SMAD2: variants seen among roughly 807,000 people sequenced by gnomAD.
The protein encoded by SMAD2 is SMAD family member 2, also known as MAD homolog 2.
A neutral mutation model predicts 64.4 loss-of-function variants in SMAD2; 8 were observed. That is an observed-to-expected ratio of 0.12 (90% CI 0.07 to 0.22). The LOEUF is 0.22. SMAD2 is among the 10% of genes least tolerant of loss of function. SMAD2 has a pLI of 1.00. For missense variants in SMAD2, 289 were observed against 561.2 expected (o/e 0.51, Z 4.90); for synonymous variants, 203 against 195.8 (o/e 1.04, Z -0.31).
intron 2 of SMAD2, 96 bp downstream of exon 2, chr18:47,896,425 C>G: frequency 7.8e-7 from 1 of 1,283,760 alleles, no homozygotes; most frequent in Non-Finnish European, 1.1e-6. Flanking sequence ...TCAATCATCA[C>G]TTTTTACAGG....
rs944935916 is a variant in SMAD2 at position 47,834,630 on chromosome 18, G to C, written c.*7197C>G. The C allele has an allele frequency of 8.7e-6, 1 of 115,568 alleles. No homozygotes were observed. Among genetic ancestry groups the C allele is most frequent in the African/African-American group, 6.0e-5 (1 of 16,770 alleles). 7.2% of individuals were successfully genotyped at this position (115,568 alleles called of 1,614,324 possible). On this transcript the variant is annotated 3_prime_UTR_variant, in exon 11 of 11. Coordinates refer to ENST00000262160, the MANE Select transcript of SMAD2 (RefSeq NM_005901.6). ...TCCTCTAAGCTTGCTAAAAGGCTAG[G>C]AAGTCCAGAAATACCTTAAACGTGT...
intron 1 of SMAD2, among the ~76,000 whole-genome samples, chr18:47,928,948 T>C (rs1176954601): frequency 6.6e-6 from 1 of 152,228 alleles, no homozygotes; most frequent in Non-Finnish European, 1.5e-5. Context: ...ACTATTTATA[T>C]TTACTACGAC....
chr18:47,879,390 C>G (rs764478776), intron 2 of SMAD2, among the ~76,000 whole-genome samples: 6 of 151,926 alleles, frequency 3.9e-5, no homozygotes, highest in Admixed American at 2.6e-4. Context: ...CCATAGGTGT[C>G]GTGTCTTCTG....
chr18:47,844,933 G>T, intron 10 of SMAD2: 1 of 341,090 alleles, frequency 2.9e-6, no homozygotes, highest in Non-Finnish European at 5.3e-6. Flanking sequence ...CTATGCTATT[G>T]TCAAGATTAT....
At chr18:47,856,436 AC>A (rs2030689937) in intron 6 of SMAD2, among the ~76,000 whole-genome samples, 1 of 152,216 alleles carries the variant, frequency 6.6e-6, no homozygotes, top group South Asian at 2.1e-4. Flanking sequence ...CATGTTATAT[AC>A]CTTAAACATA....
rs990069695 is a variant in SMAD2 at position 47,821,748 on chromosome 18, CTTGTGT to C, written c.*20073_*20078del. The C allele has an allele frequency of 4.6e-5, 7 of 151,806 alleles. No homozygotes were observed. Among genetic ancestry groups the C allele is most frequent in the African/African-American group, 1.7e-4 (7 of 41,360 alleles). The allele number at this position is 151,806 out of a possible 1,614,324, so 9.4% of individuals were successfully genotyped here. A position where few individuals can be genotyped will look rare whatever the true frequency, so the allele number is the denominator to read the frequency against. ...ATTTTATGTTCTATCAAGATAAATT[CTTGTGT>C]TTAAGTTTTTTTTTTGCTTGGGAAA... On this transcript the variant is annotated 3_prime_UTR_variant, in exon 11 of 11. Coordinates refer to ENST00000262160, the MANE Select transcript of SMAD2 (RefSeq NM_005901.6).
intron 2 of SMAD2, chr18:47,878,613 T>C (rs1481297639): frequency 6.6e-6 from 1 of 151,980 alleles, no homozygotes. Context: ...TGGGTAACCG[T>C]GAGATCCCAT....
At chr18:47,917,204 T>C (rs2034373385) in intron 1 of SMAD2, among the ~76,000 whole-genome samples, 1 of 152,246 alleles carries the variant, frequency 6.6e-6, no homozygotes, top group Non-Finnish European at 1.5e-5. Context: ...AACCTTGTAG[T>C]TTTTTAAATC....
chr18:47,866,873 G>T (rs2031601550), intron 5 of SMAD2: 1 of 152,128 alleles, frequency 6.6e-6, no homozygotes, highest in Admixed American at 6.5e-5. Flanking sequence ...GAATAAAAAA[G>T]AAAGGAAAAA....
intron 2 of SMAD2, among the ~76,000 whole-genome samples, chr18:47,887,637 C>T (rs1213843066): frequency 6.6e-6 from 1 of 152,176 alleles, no homozygotes; most frequent in African/African-American, 2.4e-5. Context: ...GGGGGTAATT[C>T]TTCCACCTTT....
Position 47,829,174 on chromosome 18 carries a change from T to C in SMAD2, c.*12653A>G, listed in dbSNP as rs1912892182. 1 of 152,072 alleles carries C rather than the reference T, an allele frequency of 6.6e-6. No individual in the cohort carries two copies. Among genetic ancestry groups the C allele is most frequent in the African/African-American group, 2.4e-5 (1 of 41,416 alleles). 9.4% of individuals were successfully genotyped at this position (152,072 alleles called of 1,614,324 possible). ...GTGGCAATGCACCTGATGGAGACGT[T>C]TAATTTCTTCACTACAAGGAATTTC... On this transcript the variant is annotated 3_prime_UTR_variant, in exon 11 of 11. Transcript: ENST00000262160.
At chr18:47,861,321 T>C (rs1464974471) in intron 6 of SMAD2, among the ~76,000 whole-genome samples, 1 of 151,930 alleles carries the variant, frequency 6.6e-6, no homozygotes, top group East Asian at 1.9e-4. Context: ...TGAAACTCCT[T>C]CTCAAAAAAC....
At position 47,810,644 on chromosome 18, in the gene SMAD2, A is replaced by AT. The variant is rs1353730867; in HGVS notation, c.*31182dup. 3 of 152,184 alleles carry AT rather than the reference A, an allele frequency of 2.0e-5. No individual in the cohort carries two copies. The highest frequency in any genetic ancestry group is 4.4e-5 in the Non-Finnish European group (3 of 68,040). The allele number at this position is 152,184 out of a possible 1,614,324, so 9.4% of individuals were successfully genotyped here. On this transcript the variant is annotated 3_prime_UTR_variant, in exon 11 of 11. Coordinates refer to ENST00000262160, the MANE Select transcript of SMAD2 (RefSeq NM_005901.6). ...ACCAACTAACATTTGACTTGGAAAT[A>AT]TAAATAAAGCCCAGGCATGGTGGCT... is the stretch of plus-strand genomic sequence containing the variant.
At chr18:47,863,162 G>A (rs980874515) in intron 6 of SMAD2, among the ~76,000 whole-genome samples, 1 of 152,154 alleles carries the variant, frequency 6.6e-6, no homozygotes, top group African/African-American at 2.4e-5. Context: ...GAGTTAGAGA[G>A]GTGGCCAACT....
At position 47,811,285 on chromosome 18, in the gene SMAD2, C is replaced by T. The variant is rs1912192183; in HGVS notation, c.*30542G>A. 1 of 152,236 alleles carries T rather than the reference C, an allele frequency of 6.6e-6. No individual in the cohort carries two copies. The highest frequency in any genetic ancestry group is 1.9e-4 in the East Asian group (1 of 5,158). 9.4% of individuals were successfully genotyped at this position (152,236 alleles called of 1,614,324 possible). A position where few individuals can be genotyped will look rare whatever the true frequency, so the allele number is the denominator to read the frequency against. ...AGGAGATTGAGACCATCCTGGCTAA[C>T]ACGGTGAAACCCTGTCTCCACTAAA... On this transcript the variant is annotated 3_prime_UTR_variant, in exon 11 of 11. Coordinates refer to ENST00000262160, the MANE Select transcript of SMAD2 (RefSeq NM_005901.6).
rs1186950126 is a variant in SMAD2, at chr18:47,833,556, T to C, written c.*8271A>G. ...AAGAACAGGGTCTGCATCCATCATATTGCATTACAAAGTTAATGCCATCAG... is the reference window on the plus strand; with the variant it reads ...AAGAACAGGGTCTGCATCCATCATACTGCATTACAAAGTTAATGCCATCAG... On this transcript the variant is annotated 3_prime_UTR_variant, in exon 11 of 11. Coordinates refer to ENST00000262160, the MANE Select transcript of SMAD2 (RefSeq NM_005901.6). The C allele has an allele frequency of 1.3e-5, 3 of 230,386 alleles. No individual in the cohort carries two copies. Among genetic ancestry groups the C allele is most frequent in the East Asian group, 6.1e-5 (1 of 16,310 alleles). 14.3% of individuals were successfully genotyped at this position (230,386 alleles called of 1,614,324 possible). A position where few individuals can be genotyped will look rare whatever the true frequency, so the allele number is the denominator to read the frequency against.
In SMAD2 at chr18:47,815,819, G is replaced by T. The variant is rs923855080; in HGVS notation, c.*26008C>A. On this transcript the variant is annotated 3_prime_UTR_variant, in exon 11 of 11. Coordinates refer to ENST00000262160, the MANE Select transcript of SMAD2 (RefSeq NM_005901.6). ...TTAATTTTCCTGTTGTCTTAACAGA[G>T]GATTTACTGAGCCCATGTATGCTGT... 6 of 152,330 alleles carry T rather than the reference G, an allele frequency of 3.9e-5. No homozygotes were observed. Among genetic ancestry groups the T allele is most frequent in the African/African-American group, 1.4e-4 (6 of 41,566 alleles). The allele number at this position is 152,330 out of a possible 1,614,324, so 9.4% of individuals were successfully genotyped here.
At position 47,822,270 on chromosome 18, in the gene SMAD2, T is replaced by C. The variant is rs1011210570; in HGVS notation, c.*19557A>G. ...CTCATCAGATTTTTAATCATGGTTA[T>C]TCTAAGTTTTTGTAATTCCCAGTTA... On this transcript the variant is annotated 3_prime_UTR_variant, in exon 11 of 11. Transcript: ENST00000262160. 6.6e-6 allele frequency: 1 copy of C among 152,248 alleles called. No homozygotes were observed. The highest frequency in any genetic ancestry group is 1.5e-5 in the Non-Finnish European group (1 of 68,042). The allele number at this position is 152,248 out of a possible 1,614,324, so 9.4% of individuals were successfully genotyped here. A position where few individuals can be genotyped will look rare whatever the true frequency, so the allele number is the denominator to read the frequency against.
At chr18:47,867,708 G>A (rs191772057) in intron 5 of SMAD2, among the ~76,000 whole-genome samples, 4 of 149,864 alleles carry the variant, frequency 2.7e-5, no homozygotes, top group Admixed American at 2.7e-4. Flanking sequence ...ATATCATATC[G>A]TGGAGTATTA....
Sources: gnomAD v4.1 joint callset for allele counts (sites outside exome capture counted in the v4.1 genomes callset) on GRCh38, gnomAD v4.1.1 for gene constraint, MANE v1.5 for transcripts, NCBI Gene and HGNC (gene_info 2026-07-23, HGNC 2026-07-21) for gene names.